Variants in DACH1 observed in about 807,000 individuals in gnomAD.
The protein encoded by DACH1 is dachshund family transcription factor 1.
A neutral mutation model predicts 54.2 loss-of-function variants in DACH1; 12 were observed. The ratio of observed to expected loss-of-function variants is 0.22; its 90% confidence interval spans 0.14 to 0.36. The LOEUF (loss-of-function observed/expected upper bound fraction) is 0.36, where lower values mean the gene tolerates loss of function less well. DACH1 is among the 10% of genes least tolerant of loss of function. The pLI is 1.00. For missense variants in DACH1, 805 were observed against 929.8 expected (o/e 0.87, Z 1.75); for synonymous variants, 386 against 366.2 (o/e 1.05, Z -0.62).
At chr13:71,824,520 A>C (rs1397726248) in intron 1 of DACH1, among the ~76,000 whole-genome samples, 1 of 152,004 alleles carries the variant, frequency 6.6e-6, no homozygotes, top group Non-Finnish European at 1.5e-5. Context: ...GCAGGGACTC[A>C]ATGAGTATGT....
Position 71,862,686 on chromosome 13 carries a change from G to A in DACH1, c.848+3236C>T, listed in dbSNP as rs116351508. On this transcript the variant is annotated intron_variant, in intron 1 of 10. Coordinates refer to ENST00000613252, the MANE Select transcript of DACH1 (RefSeq NM_080759.6). ...TCATAGATAACATACTAATGCAATA[G>A]CCCTAAGCAAATTAAAACCACTCGA... Among the ~76,000 whole-genome samples the A allele has an allele frequency of 6.8e-3, 1,038 of 152,028 alleles. 15 individuals carry two copies. The highest frequency in any genetic ancestry group is 0.024 in the African/African-American group (987 of 41,484).
intron 10 of DACH1, among the ~76,000 whole-genome samples, chr13:71,470,418 C>G (rs1006648154): frequency 6.6e-6 from 1 of 151,838 alleles, no homozygotes; most frequent in Non-Finnish European, 1.5e-5. Flanking sequence ...AAGTGATTCT[C>G]CTGCCTCAGC....
chr13:71,662,330 C>T (rs897976389), intron 2 of DACH1, among the ~76,000 whole-genome samples: 2 of 151,892 alleles, frequency 1.3e-5, no homozygotes, highest in Admixed American at 6.6e-5. Flanking sequence ...TTAAAAATCA[C>T]GATCAAAATA....
intron 3 of DACH1, among the ~76,000 whole-genome samples, chr13:71,625,450 G>A (rs961847834): frequency 6.6e-6 from 1 of 151,996 alleles, no homozygotes; most frequent in Non-Finnish European, 1.5e-5. Flanking sequence ...TTTTGTTTCT[G>A]CAGGAATGGT....
chr13:71,783,219 G>A (rs1250733236), intron 1 of DACH1, among the ~76,000 whole-genome samples: 1 of 152,142 alleles, frequency 6.6e-6, no homozygotes, highest in African/African-American at 2.4e-5. Flanking sequence ...AGCTGTATTA[G>A]ATCCATAGTG....
intron 1 of DACH1, among the ~76,000 whole-genome samples, chr13:71,760,530 C>T (rs911703928): frequency 1.3e-5 from 2 of 152,174 alleles, no homozygotes; most frequent in Non-Finnish European, 2.9e-5. Context: ...GTAAATATTT[C>T]ATTACAATTT....
intron 8 of DACH1, among the ~76,000 whole-genome samples, chr13:71,477,181 C>A (rs751307105): frequency 7.6e-6 from 1 of 131,398 alleles, no homozygotes; most frequent in Non-Finnish European, 1.5e-5. Context: ...AGTGCAGTGG[C>A]GCGATCTTGG....
chr13:71,748,878 CTTTCTTTCTTTCTTTCTTTCTCTTTCTT>C (rs1236849391), intron 1 of DACH1, among the ~76,000 whole-genome samples: 800 of 19,580 alleles, frequency 0.041, 19 homozygotes, highest in African/African-American at 0.059. Context: ...TTCTTTCTTT[CTTTCTTTCTTTCTTTCTTTCTCTTTCTT>C]TCTTTCTTTC....
At position 71,447,314 on chromosome 13, in the gene DACH1, G is replaced by A. The variant is rs1874554438; in HGVS notation, c.2084-6622C>T. ...AGATTTTAGATATTTTATTCACTGTGTCTGAGGAGACAGACAGGAGAATTC... is the reference window on the plus strand; with the variant it reads ...AGATTTTAGATATTTTATTCACTGTATCTGAGGAGACAGACAGGAGAATTC... On this transcript the variant is annotated intron_variant, in intron 10 of 10. Coordinates refer to ENST00000613252, the MANE Select transcript of DACH1 (RefSeq NM_080759.6). 2.0e-5 allele frequency among the ~76,000 whole-genome samples: 3 copies of A among 151,560 alleles called. No individual in the cohort carries two copies. In the South Asian group the frequency reaches 6.2e-4, roughly 31 times the overall value.
At chr13:71,766,920 GAT>G (rs1172359773) in intron 1 of DACH1, among the ~76,000 whole-genome samples, 1 of 151,210 alleles carries the variant, frequency 6.6e-6, no homozygotes, top group African/African-American at 2.4e-5. Flanking sequence ...GCATCTTGCA[GAT>G]ATATGTGAAA....
chr13:71,449,956 T>C (rs1171026189), intron 10 of DACH1, among the ~76,000 whole-genome samples: 1 of 149,474 alleles, frequency 6.7e-6, no homozygotes, highest in Non-Finnish European at 1.5e-5. Flanking sequence ...CATTTGGAGA[T>C]ATACCTAATG....
chr13:71,489,982 A>T (rs575041680), intron 6 of DACH1, among the ~76,000 whole-genome samples: 1 of 152,248 alleles, frequency 6.6e-6, no homozygotes, highest in South Asian at 2.1e-4. Flanking sequence ...CCTTTTATTC[A>T]GTTTTCTTTA....
intron 1 of DACH1, among the ~76,000 whole-genome samples, chr13:71,738,653 A>G (rs983304637): frequency 1.5e-5 from 2 of 136,104 alleles, no homozygotes; most frequent in Non-Finnish European, 1.6e-5. Context: ...AGTTGCTTGA[A>G]CCGGGGAGGC....
At chr13:71,571,029 C>G (rs189896179) in intron 4 of DACH1, among the ~76,000 whole-genome samples, 61 of 152,256 alleles carry the variant, frequency 4.0e-4, no homozygotes, top group Non-Finnish European at 7.2e-4. Flanking sequence ...CAAATATTAG[C>G]TACAGGCCAT....
At chr13:71,781,859 T>C (rs1886397484) in intron 1 of DACH1, among the ~76,000 whole-genome samples, 1 of 152,192 alleles carries the variant, frequency 6.6e-6, no homozygotes, top group African/African-American at 2.4e-5. Context: ...TTATTTCTGT[T>C]TTCTGACACA....
intron 5 of DACH1, among the ~76,000 whole-genome samples, chr13:71,557,530 T>C (rs1386340053): frequency 1.3e-5 from 2 of 152,110 alleles, no homozygotes; most frequent in East Asian, 3.8e-4. Flanking sequence ...AACTAGTGAA[T>C]GGAAGTTTGC....
At chr13:71,687,936 C>T (rs977012436) in intron 1 of DACH1, among the ~76,000 whole-genome samples, 2 of 152,178 alleles carry the variant, frequency 1.3e-5, no homozygotes, top group Non-Finnish European at 1.5e-5. Context: ...ACTAATTTGA[C>T]TTCAACAACT....
At chr13:71,523,381 A>C (rs533072838) in intron 6 of DACH1, among the ~76,000 whole-genome samples, 1 of 152,262 alleles carries the variant, frequency 6.6e-6, no homozygotes, top group African/African-American at 2.4e-5. Context: ...TTGTGAGGTG[A>C]GCTGCTAAAA....
At chr13:71,622,459 A>G (rs1566385404) in intron 3 of DACH1, among the ~76,000 whole-genome samples, 1 of 152,024 alleles carries the variant, frequency 6.6e-6, no homozygotes, top group Non-Finnish European at 1.5e-5. Flanking sequence ...CATCAATCAT[A>G]TGAAATTCAA....
Sources: gnomAD v4.1 joint callset for allele counts (sites outside exome capture counted in the v4.1 genomes callset) on GRCh38, gnomAD v4.1.1 for gene constraint, MANE v1.5 for transcripts, NCBI Gene and HGNC (gene_info 2026-07-23, HGNC 2026-07-21) for gene names.